The following WEE1 variants were observed in gnomAD, a reference collection of about 807,000 sequenced individuals.
WEE1 encodes wee1-like protein kinase.
A neutral mutation model predicts 68.8 loss-of-function variants in WEE1; 16 were observed. The observed-to-expected ratio is 0.23, with a 90% CI of 0.16 to 0.35. The LOEUF (loss-of-function observed/expected upper bound fraction) is 0.35, where lower values mean the gene tolerates loss of function less well. WEE1 is among the 10% of genes least tolerant of loss of function. WEE1 has a pLI of 1.00. For missense variants in WEE1, 651 were observed against 824.1 expected, an observed-to-expected ratio of 0.79 and a Z score of 2.57; for synonymous variants, 349 against 318.7, an observed-to-expected ratio of 1.09 and a Z score of -1.01.
At chr11:9,586,163 G>A (rs1324203203) in intron 8 of WEE1, among the ~76,000 whole-genome samples, 1 of 152,196 alleles carries the variant, frequency 6.6e-6, no homozygotes, top group African/African-American at 2.4e-5. Flanking sequence ...ATGCCTAGAG[G>A]TAGAGGGATT....
Position 9,574,982 on chromosome 11 carries a change from G to A in WEE1, c.576+473G>A, listed in dbSNP as rs1257760006. 4.1e-6 allele frequency: 4 copies of A among 985,638 alleles called. No individual in the cohort carries two copies. Among genetic ancestry groups the A allele is most frequent in the Non-Finnish European group, 4.8e-6 (4 of 830,214 alleles). 61.1% of individuals were successfully genotyped at this position (985,638 alleles called of 1,614,324 possible). On this transcript the variant is annotated intron_variant, in intron 1 of 10. Coordinates refer to ENST00000450114, the MANE Select transcript of WEE1 (RefSeq NM_003390.4). This position sits in a 1 kb window ranked among gnomAD's most constrained non-coding sequence, Gnocchi z 4.9. ...TGTCCCGCCCTGATCGTGTCGTGTCGTGTGGCGTGGATGGGGGAAAGGTCT... is the reference window on the plus strand; with the variant it reads ...TGTCCCGCCCTGATCGTGTCGTGTCATGTGGCGTGGATGGGGGAAAGGTCT...
At chr11:9,581,463 T>C (rs1944993305) in intron 5 of WEE1, 69 bp from the exon 6 acceptor site, 2 of 1,467,080 alleles carry the variant, frequency 1.4e-6, no homozygotes, top group Non-Finnish European at 1.8e-6. Context: ...TTGAGACTCA[T>C]TTGGTAAAGA....
In WEE1 at chr11:9,589,823, TGTATA is replaced by T. The variant is rs1849743655; in HGVS notation, c.*1224_*1228del. On this transcript the variant is annotated 3_prime_UTR_variant, in exon 11 of 11. Transcript: ENST00000450114. ...TCTCTATTATTGCTATACTATAAAATGTATAGTGTGTATAATGTACTATTATAAAA... is the reference window on the plus strand; with the variant it reads ...TCTCTATTATTGCTATACTATAAAATGTGTGTATAATGTACTATTATAAAA... 1.7e-6 allele frequency: 1 copy of T among 588,786 alleles called. No individual in the cohort carries two copies. The highest frequency in any genetic ancestry group is 6.3e-5 in the Admixed American group (1 of 15,782). The allele number at this position is 588,786 out of a possible 1,614,324, so 36.5% of individuals were successfully genotyped here.
In WEE1 at chr11:9,576,618, C is replaced by G; in HGVS notation, c.978C>G (p.Ala326=). 1 of 1,613,236 alleles carries G rather than the reference C, an allele frequency of 6.2e-7. No homozygotes were observed. The highest frequency in any genetic ancestry group is 1.1e-5 in the South Asian group (1 of 90,842). Residue 326 remains alanine (A), a synonymous_variant, in exon 4 of 11, where the codon GCC becomes GCG. Transcript: ENST00000450114. This position sits in a 1 kb window ranked among gnomAD's most constrained non-coding sequence, Gnocchi z 4.3. ...CVKRLDGCIY[A]IKRSKKPLAG... ...AGAGGCTGGATGGATGCATTTATGC[C>G]ATTAAGCGATCAAAAAAGCCATTGG...
chr11:9,574,263 G>A lies in WEE1; in HGVS notation c.330G>A (p.Glu110=), dbSNP rs1392741567. The A allele has an allele frequency of 4.9e-6, 6 of 1,219,772 alleles. No homozygotes were observed. In the Admixed American group the frequency reaches 1.3e-4, roughly 26 times the overall value. The allele number at this position is 1,219,772 out of a possible 1,614,324, so 75.6% of individuals were successfully genotyped here. A position where few individuals can be genotyped will look rare whatever the true frequency, so the allele number is the denominator to read the frequency against. Reference sequence around the variant, plus strand: ...CGGACGAGGCGGGCGGTGGGGCGGAGGGCGACTCGTGGGAGGAGGAGGGCT... The same window carrying A: ...CGGACGAGGCGGGCGGTGGGGCGGAAGGCGACTCGTGGGAGGAGGAGGGCT... ...PGADEAGGGA[E]GDSWEEEGFG... is the part of the protein sequence containing the mutation. Residue 110 remains glutamate (E), a synonymous_variant, in exon 1 of 11, where the codon GAG becomes GAA. Transcript: ENST00000450114. The surrounding 1 kb of genome is among the most constrained non-coding windows in gnomAD (Gnocchi z 4.9).
Position 9,574,061 on chromosome 11 carries a change from AG to A in WEE1, c.131del (p.Gly44AlafsTer190). The A allele has an allele frequency of 8.0e-7, 1 of 1,246,266 alleles. No homozygotes were observed. The highest frequency in any genetic ancestry group is 1.0e-6 in the Non-Finnish European group (1 of 994,954). 77.2% of individuals were successfully genotyped at this position (1,246,266 alleles called of 1,614,324 possible). ...GAGGAGGAAGAAGAGGAGGAGGAGGAGGGCAGCGGCCACAGCACCGGGGAGG... is the reference window on the plus strand; with the variant it reads ...GAGGAGGAAGAAGAGGAGGAGGAGGAGGCAGCGGCCACAGCACCGGGGAGG... Reference protein sequence around the residue: ...CEEEEEEEEEEGSGHSTGEDS... With the variant: ...CEEEEEEEEEXGSGHSTGEDS... On this transcript the variant is annotated frameshift_variant, in exon 1 of 11. Coordinates refer to ENST00000450114, the MANE Select transcript of WEE1 (RefSeq NM_003390.4). LOFTEE classifies it high-confidence loss of function. This position sits in a 1 kb window ranked among gnomAD's most constrained non-coding sequence, Gnocchi z 4.9.
At chr11:9,583,083 A>G (rs1442415737) in intron 6 of WEE1, among the ~76,000 whole-genome samples, 1 of 151,970 alleles carries the variant, frequency 6.6e-6, no homozygotes, top group Non-Finnish European at 1.5e-5. Flanking sequence ...TGGCAGGCCA[A>G]GGCAGGCAGA....
At chr11:9,575,166 C>T in intron 1 of WEE1, 2 of 985,532 alleles carry the variant, frequency 2.0e-6, no homozygotes, top group Non-Finnish European at 1.2e-6. Flanking sequence ...TTGCGGTGCC[C>T]AGAGTTTGGC....
At position 9,589,019 on chromosome 11, in the gene WEE1, G is replaced by C; in HGVS notation, c.*417G>C. ...TTACTACTCAGCCTTCAATGTACCT[G>C]TGTGTCCATCTTATATTTCTTTTTT... On this transcript the variant is annotated 3_prime_UTR_variant, in exon 11 of 11. Coordinates refer to ENST00000450114, the MANE Select transcript of WEE1 (RefSeq NM_003390.4). 1 of 985,142 alleles carries C rather than the reference G, an allele frequency of 1.0e-6. No homozygotes were observed. The highest frequency in any genetic ancestry group is 1.2e-6 in the Non-Finnish European group (1 of 829,668). The allele number at this position is 985,142 out of a possible 1,614,324, so 61.0% of individuals were successfully genotyped here.
rs142344449 is a variant in WEE1 at position 9,577,827 on chromosome 11, C to G, written c.1141+564C>G. 2.9e-5 allele frequency: 13 copies of G among 454,170 alleles called. No individual in the cohort carries two copies. The Admixed American group carries it at 3.1e-4, about 11-fold the overall frequency. 28.1% of individuals were successfully genotyped at this position (454,170 alleles called of 1,614,324 possible). On this transcript the variant is annotated intron_variant, in intron 5 of 10. Coordinates refer to ENST00000450114, the MANE Select transcript of WEE1 (RefSeq NM_003390.4). ...TAGCTTGTCGTCTCTCCCTCCTCTC[C>G]CCTAAGGATGAAACAAAACAGGCAT... is the stretch of plus-strand genomic sequence containing the variant.
In WEE1 at chr11:9,588,768, A is replaced by G. The variant is rs1330157026; in HGVS notation, c.*166A>G. On this transcript the variant is annotated 3_prime_UTR_variant, in exon 11 of 11. Coordinates refer to ENST00000450114, the MANE Select transcript of WEE1 (RefSeq NM_003390.4). ...TGAAAGCTGTATTTTGATGATTGCT[A>G]TGTCAGGCTTTCATCTAATCTTACC... is the stretch of plus-strand genomic sequence containing the variant. 5 of 1,270,076 alleles carry G rather than the reference A, an allele frequency of 3.9e-6. No individual in the cohort carries two copies. Among genetic ancestry groups the G allele is most frequent in the Admixed American group, 3.9e-5 (1 of 25,516 alleles). 78.7% of individuals were successfully genotyped at this position (1,270,076 alleles called of 1,614,324 possible).
chr11:9,581,341 G>A, intron 5 of WEE1, 191 bp from the exon 6 acceptor site: 1 of 539,120 alleles, frequency 1.9e-6, no homozygotes, highest in Non-Finnish European at 3.2e-6. Context: ...ATTTTATTTT[G>A]TACCCATGCA....
intron 1 of WEE1, chr11:9,575,614 A>C: frequency 5.0e-6 from 2 of 401,090 alleles, no homozygotes; most frequent in Non-Finnish European, 8.8e-6. Flanking sequence ...ACTTTTAGCC[A>C]CTAGAATGAA....
chr11:9,579,693 G>C (rs1849604034), intron 5 of WEE1: 1 of 152,126 alleles, frequency 6.6e-6, no homozygotes, highest in Non-Finnish European at 1.5e-5. Flanking sequence ...ATTTGATCTA[G>C]GACTTAGCCT....
At position 9,576,626 on chromosome 11, in the gene WEE1, G is replaced by T; in HGVS notation, c.986G>T (p.Arg329Leu). 2 of 1,612,184 alleles carry T rather than the reference G, an allele frequency of 1.2e-6. No individual in the cohort carries two copies. The highest frequency in any genetic ancestry group is 2.2e-5 in the South Asian group (2 of 90,576). Reference protein sequence around the residue: ...RLDGCIYAIKRSKKPLAGSVD... With the variant: ...RLDGCIYAIKLSKKPLAGSVD... ...GATGGATGCATTTATGCCATTAAGC[G>T]ATCAAAAAAGCCATTGGCGGGCTCT... The change falls in exon 4 of 11, where the codon CGA (arginine) becomes CTA (leucine). Residue 329 changes from arginine to leucine, a missense_variant. This residue lies in a region of WEE1 where 41 missense variants were observed against 125.6 expected (regional missense o/e 0.33). Coordinates refer to ENST00000450114, the MANE Select transcript of WEE1 (RefSeq NM_003390.4). This position sits in a 1 kb window ranked among gnomAD's most constrained non-coding sequence, Gnocchi z 4.3.
Position 9,573,928 on chromosome 11 carries a change from G to A in WEE1, c.-6G>A, listed in dbSNP as rs1208454936. On this transcript the variant is annotated 5_prime_UTR_variant, in exon 1 of 11. Transcript: ENST00000450114. ...TCCTGTCCTCGGCCCCGTCCCCAGG[G>A]CCGCGATGAGCTTCCTGAGCCGACA... 32 of 1,268,524 alleles carry A rather than the reference G, an allele frequency of 2.5e-5. No homozygotes were observed. Among genetic ancestry groups the A allele is most frequent in the Non-Finnish European group, 2.9e-5 (29 of 1,008,410 alleles). The allele number at this position is 1,268,524 out of a possible 1,614,324, so 78.6% of individuals were successfully genotyped here. A position where few individuals can be genotyped will look rare whatever the true frequency, so the allele number is the denominator to read the frequency against.
At chr11:9,580,380 A>C (rs1445415691) in intron 5 of WEE1, 1 of 151,924 alleles carries the variant, frequency 6.6e-6, no homozygotes, top group Admixed American at 6.6e-5. Context: ...ATTAGGCCAT[A>C]GTATGTAATA....
At position 9,589,049 on chromosome 11, in the gene WEE1, A is replaced by G. The variant is rs570805549; in HGVS notation, c.*447A>G. ...TCCATCTTATATTTCTTTTTTTTTT[A>G]ATTGTGAATTAGACTTGTATATCCC... On this transcript the variant is annotated 3_prime_UTR_variant, in exon 11 of 11. Transcript: ENST00000450114. 119 of 906,028 alleles carry G rather than the reference A, an allele frequency of 1.3e-4. No individual in the cohort carries two copies. Among genetic ancestry groups the G allele is most frequent in the Non-Finnish European group, 7.4e-5 (56 of 757,746 alleles). The allele number at this position is 906,028 out of a possible 1,614,324, so 56.1% of individuals were successfully genotyped here.
In WEE1 at chr11:9,576,377, C is replaced by T; in HGVS notation, c.846+84C>T. The T allele has an allele frequency of 6.5e-7, 1 of 1,542,996 alleles. No homozygotes were observed. The highest frequency in any genetic ancestry group is 8.8e-7 in the Non-Finnish European group (1 of 1,141,636). On this transcript the variant is annotated intron_variant, in intron 3 of 10. Transcript: ENST00000450114. The surrounding 1 kb of genome is among the most constrained non-coding windows in gnomAD (Gnocchi z 4.3). ...CTATGAATATGTTAATAAGCATTAA[C>T]ACATAAGGTAGAATGGTTTTTAAAT...
Sources: allele counts gnomAD v4.1 joint callset (sites outside exome capture counted in the v4.1 genomes callset), GRCh38; gene constraint gnomAD v4.1.1; regional missense constraint gnomAD v4.1.1; non-coding constraint Gnocchi (gnomAD v3.1); transcripts MANE v1.5; gene names NCBI Gene and HGNC (gene_info 2026-07-23, HGNC 2026-07-21).